The following PYROXD1 variants were observed in gnomAD, a reference collection of about 807,000 sequenced individuals.
The protein encoded by PYROXD1 is tRNA ligase complex-associated NAD(P)H dehydrogenase PYROXD1.
In PYROXD1, 42 loss-of-function variants were observed where a neutral mutation model predicts 62.0. The ratio of observed to expected loss-of-function variants is 0.68; its 90% CI spans 0.53 to 0.88. The LOEUF is 0.88. Ranked by LOEUF, PYROXD1 falls within the 40% of genes least tolerant of loss-of-function variation. PYROXD1 has a pLI of 0.00. For synonymous variants in PYROXD1, 170 were observed against 206.4 expected, an observed-to-expected ratio of 0.82 and a Z score of 1.51; for missense variants, 493 against 604.8, an observed-to-expected ratio of 0.82 and a Z score of 1.94.
chr12:21,459,719 G>T (rs1942660003), intron 7 of PYROXD1, among the ~76,000 whole-genome samples: 1 of 152,178 alleles, frequency 6.6e-6, no homozygotes, highest in African/African-American at 2.4e-5. Context: ...GGTGTCCTGT[G>T]CAGAATTAAT....
chr12:21,448,211 T>C lies in PYROXD1; in HGVS notation c.286-1352T>C. ...CTTCACAGCCACCATAGGTTTTCTC[T>C]TCCCCATCCATTTTGTTCTTATGAA... On this transcript the variant is annotated intron_variant, in intron 3 of 11. Transcript: ENST00000240651. The C allele has an allele frequency of 6.9e-6, 4 of 581,414 alleles. No homozygotes were observed. The South Asian group carries it at 7.8e-5, about 11-fold the overall frequency. The allele number at this position is 581,414 out of a possible 1,614,324, so 36.0% of individuals were successfully genotyped here.
rs12812212 is a variant in PYROXD1 at position 21,454,856 on chromosome 12, T to C, written c.489-276T>C. The C allele has an allele frequency of 0.012, 2,552 of 212,666 alleles. 27 individuals carry two copies. Among genetic ancestry groups the C allele is most frequent in the Non-Finnish European group, 0.016 (1,749 of 108,012 alleles). The allele number at this position is 212,666 out of a possible 1,614,324, so 13.2% of individuals were successfully genotyped here. ...ATTGTAGAAATTGAACATTTTCTAA[T>C]GATGTACACTGTAATGAAATTTTAC... On this transcript the variant is annotated intron_variant, in intron 5 of 11. Transcript: ENST00000240651.
At chr12:21,450,820 G>A (rs1297291179) in intron 4 of PYROXD1, among the ~76,000 whole-genome samples, 6 of 152,022 alleles carry the variant, frequency 3.9e-5, no homozygotes, top group Non-Finnish European at 5.9e-5. Flanking sequence ...GTTTTAGCTC[G>A]GTCCTCTACA....
rs1440964709 is a variant in PYROXD1, at chr12:21,470,098, CTA to C, written c.*1346_*1347del. 2 of 1,128,056 alleles carry C rather than the reference CTA, an allele frequency of 1.8e-6. No individual in the cohort carries two copies. Among genetic ancestry groups the C allele is most frequent in the East Asian group, 5.1e-5 (2 of 38,852 alleles). The allele number at this position is 1,128,056 out of a possible 1,614,324, so 69.9% of individuals were successfully genotyped here. A position where few individuals can be genotyped will look rare whatever the true frequency, so the allele number is the denominator to read the frequency against. On this transcript the variant is annotated 3_prime_UTR_variant, in exon 12 of 12. Transcript: ENST00000240651. ...ATATAGATCCATACATATAAAATAT[CTA>C]TGAAATTCTTTTAAAAACTATTGTC...
chr12:21,468,841 A>C lies in PYROXD1; in HGVS notation c.*87A>C. 8.7e-7 allele frequency: 1 copy of C among 1,144,880 alleles called. No individual in the cohort carries two copies. The highest frequency in any genetic ancestry group is 1.6e-5 in the South Asian group (1 of 62,304). The allele number at this position is 1,144,880 out of a possible 1,614,324, so 70.9% of individuals were successfully genotyped here. ...ATAAAATGAATGACTGTATTGAGTTAATGATGACCACACTGAAAATTACAG... is the reference window on the plus strand; with the variant it reads ...ATAAAATGAATGACTGTATTGAGTTCATGATGACCACACTGAAAATTACAG... On this transcript the variant is annotated 3_prime_UTR_variant, in exon 12 of 12. Coordinates refer to ENST00000240651, the MANE Select transcript of PYROXD1 (RefSeq NM_024854.5).
intron 2 of PYROXD1, among the ~76,000 whole-genome samples, chr12:21,441,642 T>C (rs186684413): frequency 2.6e-5 from 4 of 152,212 alleles, no homozygotes; most frequent in African/African-American, 9.6e-5. Flanking sequence ...AATAACTTTT[T>C]AAATTTTTTG....
chr12:21,453,377 G>A (rs1436724475), intron 5 of PYROXD1, among the ~76,000 whole-genome samples: 2 of 151,940 alleles, frequency 1.3e-5, no homozygotes, highest in Non-Finnish European at 1.5e-5. Flanking sequence ...TCTGACTTGA[G>A]GTCTGCTGCG....
At chr12:21,464,933 C>A (rs1444839471) in intron 10 of PYROXD1, among the ~76,000 whole-genome samples, 1 of 152,026 alleles carries the variant, frequency 6.6e-6, no homozygotes, top group African/African-American at 2.4e-5. Flanking sequence ...GGTTTTTTGT[C>A]CTTGCAATAG....
rs752975057 is a variant in PYROXD1 at position 21,437,714 on chromosome 12, A to C, written c.-17A>C. 3 of 1,608,168 alleles carry C rather than the reference A, an allele frequency of 1.9e-6. No homozygotes were observed. The highest frequency in any genetic ancestry group is 3.4e-5 in the Admixed American group (2 of 59,084). ...GCTCCGCCGCGATATTCAGTAAACC[A>C]CTGGGAGTCCGGCAGCATGGAGGCA... On this transcript the variant is annotated 5_prime_UTR_variant, in exon 1 of 12. Coordinates refer to ENST00000240651, the MANE Select transcript of PYROXD1 (RefSeq NM_024854.5).
chr12:21,457,433 C>CTT (rs202025872), intron 7 of PYROXD1, among the ~76,000 whole-genome samples: 11 of 136,214 alleles, frequency 8.1e-5, no homozygotes, highest in Admixed American at 2.3e-4. Context: ...TGAAATGAAT[C>CTT]TTTTTTTTTT....
rs555987189 is a variant in PYROXD1, at chr12:21,439,499, AG to A, written c.85-868del. 4.6e-5 allele frequency among the ~76,000 whole-genome samples: 7 copies of A among 152,330 alleles called. No homozygotes were observed. The South Asian group carries it at 1.4e-3, about 32-fold the overall frequency. ...GAATCGCATGGGTGTTGGGCACGAT[AG>A]CTCACACTTGTAATCTTAGAACTTT... On this transcript the variant is annotated intron_variant, in intron 1 of 11. Transcript: ENST00000240651.
At chr12:21,464,456 A>G (rs972067908) in intron 10 of PYROXD1, among the ~76,000 whole-genome samples, 7 of 152,154 alleles carry the variant, frequency 4.6e-5, no homozygotes, top group Non-Finnish European at 8.8e-5. Context: ...AAAAAAATCT[A>G]TCACTTCTGC....
chr12:21,439,263 T>A (rs1329261325), intron 1 of PYROXD1, among the ~76,000 whole-genome samples: 1 of 152,222 alleles, frequency 6.6e-6, no homozygotes, highest in Non-Finnish European at 1.5e-5. Context: ...GATGATTAGT[T>A]ACAATGTATT....
rs1942884204 is a variant in PYROXD1 at position 21,469,725 on chromosome 12, A to G, written c.*971A>G. ...CTCATCAGCTATCATCAGTGTTAGC[A>G]TATTTTATGTGCGGCCCAAGACAAT... is the stretch of plus-strand genomic sequence containing the variant. On this transcript the variant is annotated 3_prime_UTR_variant, in exon 12 of 12. Transcript: ENST00000240651. 1 of 151,668 alleles carries G rather than the reference A, an allele frequency of 6.6e-6. No individual in the cohort carries two copies. Among genetic ancestry groups the G allele is most frequent in the Non-Finnish European group, 1.5e-5 (1 of 68,312 alleles). 9.4% of individuals were successfully genotyped at this position (151,668 alleles called of 1,614,324 possible).
intron 7 of PYROXD1, among the ~76,000 whole-genome samples, chr12:21,459,223 G>A (rs1942651382): frequency 6.6e-6 from 1 of 152,076 alleles, no homozygotes; most frequent in African/African-American, 2.4e-5. Context: ...AGAGGTTGAA[G>A]GTTAAGCCAA....
rs1392703654 is a variant in PYROXD1, at chr12:21,469,419, T to G, written c.*665T>G. The G allele has an allele frequency of 2.0e-5, 3 of 151,874 alleles. No homozygotes were observed. The highest frequency in any genetic ancestry group is 7.3e-5 in the African/African-American group (3 of 41,364). The allele number at this position is 151,874 out of a possible 1,614,324, so 9.4% of individuals were successfully genotyped here. A position where few individuals can be genotyped will look rare whatever the true frequency, so the allele number is the denominator to read the frequency against. Reference sequence around the variant, plus strand: ...ATCAGCTATCGTCAGTGTTAGCATATTTTATGTGCGGCCCAAGACAATTCT... The same window carrying G: ...ATCAGCTATCGTCAGTGTTAGCATAGTTTATGTGCGGCCCAAGACAATTCT... On this transcript the variant is annotated 3_prime_UTR_variant, in exon 12 of 12. Transcript: ENST00000240651.
intron 7 of PYROXD1, among the ~76,000 whole-genome samples, chr12:21,458,498 T>C (rs1942639446): frequency 6.6e-6 from 1 of 152,248 alleles, no homozygotes; most frequent in South Asian, 2.1e-4. Flanking sequence ...CATTCACAAT[T>C]TGGCCATCTG....
chr12:21,453,093 A>T (rs772124692), intron 5 of PYROXD1, among the ~76,000 whole-genome samples: 4 of 152,084 alleles, frequency 2.6e-5, no homozygotes, highest in Non-Finnish European at 4.4e-5. Flanking sequence ...AGAGGTATAG[A>T]TTTATTGTAA....
intron 3 of PYROXD1, among the ~76,000 whole-genome samples, chr12:21,448,723 A>G (rs565595513): frequency 5.0e-4 from 76 of 152,356 alleles, no homozygotes; most frequent in African/African-American, 1.6e-3. Context: ...TCATTCGAAC[A>G]AAGTTGAGCA....
Sources: allele counts gnomAD v4.1 joint callset (sites outside exome capture counted in the v4.1 genomes callset), GRCh38; gene constraint gnomAD v4.1.1; transcripts MANE v1.5; gene names NCBI Gene and HGNC (gene_info 2026-07-23, HGNC 2026-07-21).